RP1: variants seen among roughly 807,000 people sequenced by gnomAD.
RP1 encodes the protein oxygen-regulated protein 1.
In RP1, 16 loss-of-function variants were observed where a neutral mutation model predicts 14.8. That is an observed-to-expected ratio of 1.08 (90% confidence interval 0.73 to 1.65). The LOEUF is 1.65. Ranked by LOEUF, RP1 falls within the 40% of genes most tolerant of loss-of-function variation. RP1 has a pLI of 0.00. For synonymous variants in RP1, 876 were observed against 883.6 expected (o/e 0.99, Z 0.15); for missense variants, 2,631 against 2,535.0 (o/e 1.04, Z -0.81).
chr8:54,706,181 A>T lies in RP1; in HGVS notation c.1999-262A>T, dbSNP rs555047215. Among the ~76,000 whole-genome samples the T allele has an allele frequency of 5.3e-5, 8 of 152,302 alleles. No homozygotes were observed. In the South Asian group the frequency reaches 1.7e-3, roughly 32 times the overall value. ...ATAGTAAATTCCTTAAGAGAAATATATGTGTTTTGTATCTTTTAAAAATCT... is the reference window on the plus strand; with the variant it reads ...ATAGTAAATTCCTTAAGAGAAATATTTGTGTTTTGTATCTTTTAAAAATCT... On this transcript the variant is annotated intron_variant, in intron 14 of 22. Transcript: ENST00000636932.
At chr8:54,664,524 G>C (rs1806971830) in intron 7 of RP1, among the ~76,000 whole-genome samples, 2 of 152,054 alleles carry the variant, frequency 1.3e-5, no homozygotes, top group Admixed American at 1.3e-4. Context: ...GTGCACAAGG[G>C]TTCCAGTTTT....
At chr8:54,724,131 C>G (rs1808596452) in intron 16 of RP1, among the ~76,000 whole-genome samples, 1 of 152,048 alleles carries the variant, frequency 6.6e-6, no homozygotes, top group East Asian at 1.9e-4. Flanking sequence ...ATCATTCAAG[C>G]ATAAAAATCT....
At chr8:54,708,503 G>A (rs903868773) in intron 15 of RP1, among the ~76,000 whole-genome samples, 7 of 152,094 alleles carry the variant, frequency 4.6e-5, no homozygotes, top group African/African-American at 1.7e-4. Context: ...ACAGGTGCCT[G>A]CCACCATGCC....
At chr8:54,743,375 T>A (rs1809146349) in intron 19 of RP1, among the ~76,000 whole-genome samples, 1 of 152,206 alleles carries the variant, frequency 6.6e-6, no homozygotes, top group South Asian at 2.1e-4. Flanking sequence ...CATTGATGAT[T>A]TTTGCCTTAG....
chr8:54,740,403 T>TAAAAAAAAAAAAAAAAAAAAAAAAAAA (rs34753388), intron 19 of RP1, among the ~76,000 whole-genome samples: 1 of 80,244 alleles, frequency 1.2e-5, no homozygotes, highest in African/African-American at 4.6e-5. Flanking sequence ...GCTTAAAAAG[T>TAAAAAAAAAAAAAAAAAAAAAAAAAAA]AAAAAAAAAA....
At chr8:54,674,601 C>T (rs1807253773) in intron 8 of RP1, among the ~76,000 whole-genome samples, 1 of 147,112 alleles carries the variant, frequency 6.8e-6, no homozygotes, top group South Asian at 2.2e-4. Context: ...AATTTTCAAA[C>T]TAAGAACAAG....
intron 19 of RP1, among the ~76,000 whole-genome samples, chr8:54,749,633 A>T (rs760499721): frequency 4.6e-5 from 7 of 152,166 alleles, no homozygotes; most frequent in African/African-American, 9.7e-5. Context: ...GAGTTGGGAC[A>T]GTGCCGGTCC....
At position 54,625,570 on chromosome 8, in the gene RP1, A is replaced by G; in HGVS notation, c.1688A>G (p.Asn563Ser). 6.2e-7 allele frequency: 1 copy of G among 1,614,118 alleles called. No individual in the cohort carries two copies. Among genetic ancestry groups the G allele is most frequent in the Non-Finnish European group, 8.5e-7 (1 of 1,180,014 alleles). ...TSQKMLEMSH[N>S]NGLPSTISNN... ...CAGAAGATGTTAGAGATGTCACATA[A>G]TAATGGTTTGCCATCAACTATATCA... Residue 563 changes from asparagine to serine, a missense_variant, in exon 4 of 4, where the codon AAT becomes AGT. Coordinates refer to ENST00000220676, the MANE Select transcript of RP1 (RefSeq NM_006269.2).
chr8:54,670,706 T>TATATATATA (rs1283419569), intron 7 of RP1, among the ~76,000 whole-genome samples: 1 of 109,834 alleles, frequency 9.1e-6, no homozygotes, highest in African/African-American at 3.2e-5. Context: ...TATATATATA[T>TATATATATA]AAAACATTAA....
chr8:54,840,826 C>T (rs185694701), intron 25 of RP1, among the ~76,000 whole-genome samples: 2 of 152,016 alleles, frequency 1.3e-5, no homozygotes, highest in Non-Finnish European at 1.5e-5. Flanking sequence ...TTAGCTGAAG[C>T]ACACTAACCA....
At chr8:54,730,203 TA>T (rs34058805) in intron 17 of RP1, among the ~76,000 whole-genome samples, 1 of 152,058 alleles carries the variant, frequency 6.6e-6, no homozygotes, top group African/African-American at 2.4e-5. Context: ...TTTTGGCCTA[TA>T]AAAAAGTCAA....
intron 1 of RP1, among the ~76,000 whole-genome samples, chr8:54,607,985 C>T (rs1298069043): frequency 6.6e-6 from 1 of 152,062 alleles, no homozygotes; most frequent in Non-Finnish European, 1.5e-5. Context: ...TGACCCCTTG[C>T]ACTTCCTGGG....
At chr8:54,659,389 G>A (rs542918977) in intron 6 of RP1, among the ~76,000 whole-genome samples, 13 of 152,170 alleles carry the variant, frequency 8.5e-5, no homozygotes, top group Admixed American at 3.3e-4. Context: ...TACATTTTTA[G>A]TCAATATCTA....
upstream of RP1, among the ~76,000 whole-genome samples, chr8:54,615,141 T>C (rs1315676716): frequency 6.6e-6 from 1 of 152,130 alleles, no homozygotes; most frequent in East Asian, 1.9e-4. Context: ...TGGACACTAC[T>C]GTTTCTCTTA....
At chr8:54,743,442 T>A (rs1209383735) in intron 19 of RP1, among the ~76,000 whole-genome samples, 1 of 152,228 alleles carries the variant, frequency 6.6e-6, no homozygotes, top group Admixed American at 6.5e-5. Context: ...TTGTTATTTC[T>A]CTATTTATTA....
intron 5 of RP1, among the ~76,000 whole-genome samples, chr8:54,653,899 A>G (rs1806705082): frequency 1.3e-5 from 2 of 152,150 alleles, no homozygotes; most frequent in Admixed American, 1.3e-4. Context: ...ATTATCATTA[A>G]TCCTCCTGCC....
In RP1 at chr8:54,628,812, C is replaced by T. The variant is rs1183705673; in HGVS notation, c.4930C>T (p.Pro1644Ser). Residue 1644 changes from proline to serine, a missense_variant, in exon 4 of 4, where the codon CCA becomes TCA. Physicochemically the swap from Pro to Ser is moderately conservative, Grantham distance 74 (BLOSUM62 -1). Coordinates refer to ENST00000220676, the MANE Select transcript of RP1 (RefSeq NM_006269.2). ...KLYGKADIIK[P>S]SFFPGSTRKS... The stretch of plus-strand genomic sequence containing the variant: ...GTACGGTAAAGCAGATATTATCAAA[C>T]CATCTTTTTTTCCTGGGTCTACCCG... 6.2e-7 allele frequency: 1 copy of T among 1,614,088 alleles called. No homozygotes were observed. Among genetic ancestry groups the T allele is most frequent in the Non-Finnish European group, 8.5e-7 (1 of 1,179,972 alleles).
intron 23 of RP1, among the ~76,000 whole-genome samples, chr8:54,781,750 A>G (rs1239527210): frequency 6.6e-6 from 1 of 152,140 alleles, no homozygotes; most frequent in Non-Finnish European, 1.5e-5. Context: ...TTTTTTTTCC[A>G]GTTGCAAAAA....
At chr8:54,623,601 G>A (rs1469695933) in intron 3 of RP1, among the ~76,000 whole-genome samples, 2 of 152,002 alleles carry the variant, frequency 1.3e-5, no homozygotes, top group South Asian at 2.1e-4. Context: ...TCCAGCCCAG[G>A]CATTTTGACT....
Sources: allele counts gnomAD v4.1 joint callset (sites outside exome capture counted in the v4.1 genomes callset), GRCh38; gene constraint gnomAD v4.1.1; transcripts MANE v1.5; gene names NCBI Gene and HGNC (gene_info 2026-07-23, HGNC 2026-07-21).